PDZD2: variants seen among roughly 807,000 people sequenced by gnomAD.
The protein encoded by PDZD2 is PDZ domain containing 2, also known as PDZ domain-containing protein 2.
In PDZD2, 90 loss-of-function variants were observed where a neutral mutation model predicts 220.7. The ratio of observed to expected loss-of-function variants is 0.41; its 90% CI spans 0.34 to 0.49. The LOEUF (loss-of-function observed/expected upper bound fraction) is 0.49. Ranked by LOEUF, PDZD2 falls within the 20% of genes least tolerant of loss-of-function variation. The pLI, the probability that PDZD2 is intolerant of heterozygous loss-of-function variation, is 0.28. For missense variants in PDZD2, 3,174 were observed against 3,608.5 expected, an observed-to-expected ratio of 0.88 and a Z score of 3.08; for synonymous variants, 1,375 against 1,450.5, an observed-to-expected ratio of 0.95 and a Z score of 1.18.
At chr5:31,893,059 G>T (rs1421461625) in intron 2 of PDZD2, among the ~76,000 whole-genome samples, 1 of 151,776 alleles carries the variant, frequency 6.6e-6, no homozygotes, top group Non-Finnish European at 1.5e-5. Flanking sequence ...TCCTGTCTTG[G>T]CTTATTTCTC....
Position 32,097,271 on chromosome 5 carries a change from T to C in PDZD2, c.7846-8T>C. 4.4e-6 allele frequency: 7 copies of C among 1,581,576 alleles called. No individual in the cohort carries two copies. Among genetic ancestry groups the C allele is most frequent in the Non-Finnish European group, 6.1e-6 (7 of 1,150,434 alleles). ...GCTCAAAGGATAATTTTTGTTTGTTTTCACTAGAATGAAGAAGATGTTTGC... is the reference window on the plus strand; with the variant it reads ...GCTCAAAGGATAATTTTTGTTTGTTCTCACTAGAATGAAGAAGATGTTTGC... On this transcript the variant is annotated splice_region_variant and splice_polypyrimidine_tract_variant and intron_variant, in intron 21 of 24. Coordinates refer to ENST00000438447, the MANE Select transcript of PDZD2 (RefSeq NM_178140.4).
chr5:31,850,110 ATATATACGTG>A (rs1354347892), intron 2 of PDZD2, among the ~76,000 whole-genome samples: 3 of 141,446 alleles, frequency 2.1e-5, no homozygotes, highest in Admixed American at 1.5e-4. Context: ...ATATATAAGT[ATATATACGTG>A]TATATATGTG....
chr5:31,713,883 TGAGA>T (rs1748277900), intron 1 of PDZD2, among the ~76,000 whole-genome samples: 1 of 152,208 alleles, frequency 6.6e-6, no homozygotes, highest in African/African-American at 2.4e-5. Flanking sequence ...AGAAGCATCT[TGAGA>T]TGCTCACCAG....
At chr5:31,906,954 T>C (rs1203496807) in intron 2 of PDZD2, among the ~76,000 whole-genome samples, 4 of 152,254 alleles carry the variant, frequency 2.6e-5, no homozygotes, top group Non-Finnish European at 4.4e-5. Flanking sequence ...TTAAAGCTTA[T>C]GTCTAAACTT....
chr5:31,905,112 G>A (rs1244889538), intron 2 of PDZD2, among the ~76,000 whole-genome samples: 2 of 152,054 alleles, frequency 1.3e-5, no homozygotes. Context: ...GGGATTACAG[G>A]CACTCACCAC....
chr5:31,849,544 T>C (rs1424205942), intron 2 of PDZD2, among the ~76,000 whole-genome samples: 2 of 151,912 alleles, frequency 1.3e-5, no homozygotes, highest in African/African-American at 4.8e-5. Flanking sequence ...GGAGCGAAGC[T>C]ATGAAATACA....
chr5:31,691,952 C>G (rs1230384459), intron 1 of PDZD2, among the ~76,000 whole-genome samples: 1 of 152,280 alleles, frequency 6.6e-6, no homozygotes, highest in Non-Finnish European at 1.5e-5. Context: ...TGGCTTCACC[C>G]AGTGGATCCC....
At chr5:31,733,456 G>C (rs556054483) in intron 1 of PDZD2, among the ~76,000 whole-genome samples, 55 of 152,086 alleles carry the variant, frequency 3.6e-4, no homozygotes, top group African/African-American at 1.3e-3. Context: ...CACGTGCTGC[G>C]TGTGGTCTGA....
chr5:31,644,034 T>C (rs1006988517), intron 1 of PDZD2, among the ~76,000 whole-genome samples: 1 of 152,054 alleles, frequency 6.6e-6, no homozygotes, highest in Non-Finnish European at 1.5e-5. Flanking sequence ...GGTTTTACCA[T>C]GTTGCCCAGG....
At chr5:31,726,613 G>T (rs1218313979) in intron 1 of PDZD2, among the ~76,000 whole-genome samples, 1 of 152,194 alleles carries the variant, frequency 6.6e-6, no homozygotes, top group African/African-American at 2.4e-5. Context: ...CCAGATCAAA[G>T]TTGCCTGGAC....
chr5:31,858,053 T>C (rs1406484942), intron 2 of PDZD2, among the ~76,000 whole-genome samples: 1 of 152,202 alleles, frequency 6.6e-6, no homozygotes. Flanking sequence ...CTCGAACTCC[T>C]GAACTCAGGT....
chr5:31,717,754 G>T (rs1748540365), intron 1 of PDZD2, among the ~76,000 whole-genome samples: 1 of 152,200 alleles, frequency 6.6e-6, no homozygotes, highest in South Asian at 2.1e-4. Context: ...ACTCAGAGCA[G>T]CTGTCACCAG....
chr5:31,887,124 C>A lies in PDZD2; in HGVS notation c.476+87400C>A, dbSNP rs146056911. Among the ~76,000 whole-genome samples, 15 of 152,310 alleles carry A rather than the reference C, an allele frequency of 9.8e-5. No homozygotes were observed. The South Asian group carries it at 1.2e-3, about 13-fold the overall frequency. On this transcript the variant is annotated intron_variant, in intron 2 of 24. Coordinates refer to ENST00000438447, the MANE Select transcript of PDZD2 (RefSeq NM_178140.4). The stretch of plus-strand genomic sequence containing the variant: ...ATGTTTGCTATGGGCTGGGCTCATT[C>A]TTACTGTGGATTTCTGTATGTTGAC...
intron 1 of PDZD2, among the ~76,000 whole-genome samples, chr5:31,721,516 CTTTT>C (rs752973527): frequency 7.5e-5 from 9 of 120,338 alleles, no homozygotes; most frequent in African/African-American, 2.4e-4. Flanking sequence ...ATAACTGCCT[CTTTT>C]TTTTTTTTTT....
In PDZD2 at chr5:31,791,142, AT is replaced by A. The variant is rs538162484; in HGVS notation, c.-360-7742del. On this transcript the variant is annotated intron_variant, in intron 1 of 24. Coordinates refer to ENST00000438447, the MANE Select transcript of PDZD2 (RefSeq NM_178140.4). Reference sequence around the variant, plus strand: ...CACTTATCTGCTTCTGATAAAGCTGATTTTTGTAACCCTGCAAGGGTCCATA... The same window carrying A: ...CACTTATCTGCTTCTGATAAAGCTGATTTTGTAACCCTGCAAGGGTCCATA... Among the ~76,000 whole-genome samples the A allele has an allele frequency of 1.1e-3, 169 of 152,234 alleles. 7 individuals carry two copies. The South Asian group carries it at 0.034, about 30-fold the overall frequency.
At chr5:31,871,644 T>C (rs1212187427) in intron 2 of PDZD2, among the ~76,000 whole-genome samples, 2 of 151,774 alleles carry the variant, frequency 1.3e-5, no homozygotes, top group African/African-American at 4.8e-5. Flanking sequence ...AGACTGGGTT[T>C]CGCCATGTTG....
chr5:31,660,853 G>A (rs1299724753), intron 1 of PDZD2, among the ~76,000 whole-genome samples: 1 of 152,122 alleles, frequency 6.6e-6, no homozygotes. Flanking sequence ...CTCCTGAGTA[G>A]CTTAGACTAA....
At chr5:31,756,960 C>T (rs1751337993) in intron 1 of PDZD2, among the ~76,000 whole-genome samples, 1 of 152,234 alleles carries the variant, frequency 6.6e-6, no homozygotes, top group Admixed American at 6.5e-5. Context: ...TTTGTGTCCA[C>T]AGTTGGCCAG....
chr5:31,814,455 G>C lies in PDZD2; in HGVS notation c.476+14731G>C, dbSNP rs192767802. ...TACAAGCAGACACCAATCAACTTGG[G>C]GACAGCCTTCCAGGTCAAAGGTGGA... On this transcript the variant is annotated intron_variant, in intron 2 of 24. Transcript: ENST00000438447. Among the ~76,000 whole-genome samples the C allele has an allele frequency of 4.4e-3, 665 of 152,268 alleles. 24 individuals carry two copies. Among genetic ancestry groups the C allele is most frequent in the Admixed American group, 0.034 (524 of 15,294 alleles).
Sources: allele counts gnomAD v4.1 joint callset (sites outside exome capture counted in the v4.1 genomes callset), GRCh38; gene constraint gnomAD v4.1.1; transcripts MANE v1.5; gene names NCBI Gene and HGNC (gene_info 2026-07-23, HGNC 2026-07-21).